Variants in HDAC9 observed in about 807,000 individuals in gnomAD.
HDAC9 encodes histone deacetylase 9.
HDAC9 carries 41 observed loss-of-function variants against 139.4 expected under a neutral mutation model. The observed-to-expected ratio is 0.29, with a 90% CI of 0.23 to 0.38. The LOEUF (loss-of-function observed/expected upper bound fraction) is 0.38. HDAC9 is among the 10% of genes least tolerant of loss of function. The pLI is 1.00. For synonymous variants in HDAC9, 517 were observed against 476.2 expected, an observed-to-expected ratio of 1.09 and a Z score of -1.12; for missense variants, 1,147 against 1,297.0, an observed-to-expected ratio of 0.88 and a Z score of 1.78.
At chr7:18,995,931 G>A in intron 25 of HDAC9, 92 bp from the exon 26 acceptor site, 1 of 871,242 alleles carries the variant, frequency 1.1e-6, no homozygotes, top group Non-Finnish European at 1.8e-6. Context: ...ACATCAGAGA[G>A]AGCTGAAAAA....
chr7:18,902,264 G>A (rs1801794307), intron 22 of HDAC9, among the ~76,000 whole-genome samples: 1 of 152,172 alleles, frequency 6.6e-6, no homozygotes, highest in Admixed American at 6.5e-5. Context: ...TCAAATCCTA[G>A]TGAAGGTTCT....
chr7:18,268,464 A>C (rs1418366602), intron 2 of HDAC9, among the ~76,000 whole-genome samples: 3 of 150,866 alleles, frequency 2.0e-5, no homozygotes, highest in Non-Finnish European at 4.4e-5. Flanking sequence ...AAGAGTTTTC[A>C]AGTGCCAGAG....
At chr7:18,786,588 T>G (rs142243312) in intron 16 of HDAC9, among the ~76,000 whole-genome samples, 12,575 of 81,752 alleles carry the variant, frequency 0.15, 1,322 homozygotes, top group African/African-American at 0.25. Context: ...CTGGCTGGCT[T>G]CCTTCCTTCC....
chr7:18,798,817 G>T (rs1793031809), intron 17 of HDAC9, among the ~76,000 whole-genome samples: 1 of 152,106 alleles, frequency 6.6e-6, no homozygotes, highest in Non-Finnish European at 1.5e-5. Context: ...CCTGAGGAAT[G>T]TGCATAAGGA....
intron 2 of HDAC9, among the ~76,000 whole-genome samples, chr7:18,210,060 G>C (rs546977562): frequency 1.8e-4 from 27 of 151,920 alleles, no homozygotes; most frequent in African/African-American, 6.5e-4. Flanking sequence ...GACTGCTAAG[G>C]ATAACTACAA....
At chr7:18,836,694 A>G (rs938090521) in intron 21 of HDAC9, among the ~76,000 whole-genome samples, 1 of 152,158 alleles carries the variant, frequency 6.6e-6, no homozygotes, top group Non-Finnish European at 1.5e-5. Context: ...TTTAAAAATG[A>G]GCATTTCTTC....
intron 1 of HDAC9, among the ~76,000 whole-genome samples, chr7:18,301,638 A>G (rs1798547374): frequency 6.6e-6 from 1 of 152,240 alleles, no homozygotes; most frequent in African/African-American, 2.4e-5. Flanking sequence ...ATAAAAATGT[A>G]CAATAAGCAT....
intron 8 of HDAC9, among the ~76,000 whole-genome samples, chr7:18,635,471 A>G (rs1783602124): frequency 6.6e-6 from 1 of 152,052 alleles, no homozygotes; most frequent in Non-Finnish European, 1.5e-5. Flanking sequence ...AGTGTAACCA[A>G]TGATACAAGA....
chr7:18,149,378 C>T (rs1786584244), intron 1 of HDAC9, among the ~76,000 whole-genome samples: 1 of 140,434 alleles, frequency 7.1e-6, no homozygotes, highest in Admixed American at 7.2e-5. Flanking sequence ...TGTTTAGAGT[C>T]AGGGTCTCAC....
intron 24 of HDAC9, among the ~76,000 whole-genome samples, chr7:18,954,754 T>A (rs1783030599): frequency 6.6e-6 from 1 of 151,976 alleles, no homozygotes; most frequent in South Asian, 2.1e-4. Flanking sequence ...TGCACACACA[T>A]GCTGAAATCA....
intron 1 of HDAC9, among the ~76,000 whole-genome samples, chr7:18,424,952 T>C (rs553929030): frequency 6.6e-6 from 1 of 152,280 alleles, no homozygotes; most frequent in South Asian, 2.1e-4. Flanking sequence ...TGTTTTATGA[T>C]TTCCTAGTTC....
At chr7:18,980,025 G>A (rs1784797270) in intron 25 of HDAC9, among the ~76,000 whole-genome samples, 1 of 152,156 alleles carries the variant, frequency 6.6e-6, no homozygotes, top group African/African-American at 2.4e-5. Context: ...TTCATCCAGT[G>A]TCAACAAAGC....
At chr7:18,984,216 T>A (rs1354449323) in intron 25 of HDAC9, among the ~76,000 whole-genome samples, 1 of 152,022 alleles carries the variant, frequency 6.6e-6, no homozygotes, top group Non-Finnish European at 1.5e-5. Context: ...GTATATTACC[T>A]GACACAAATT....
At chr7:18,530,116 C>T (rs545595722) in intron 2 of HDAC9, among the ~76,000 whole-genome samples, 24 of 151,278 alleles carry the variant, frequency 1.6e-4, no homozygotes, top group African/African-American at 4.1e-4. Context: ...CCAGTCTCTA[C>T]GTAAATAGAA....
chr7:18,314,133 C>T (rs1462386234), intron 1 of HDAC9, among the ~76,000 whole-genome samples: 3 of 152,216 alleles, frequency 2.0e-5, no homozygotes, highest in African/African-American at 7.2e-5. Context: ...TTGGACAGTT[C>T]CCTGGTGACA....
chr7:18,886,402 A>G (rs891795493), intron 22 of HDAC9, among the ~76,000 whole-genome samples: 2 of 152,228 alleles, frequency 1.3e-5, no homozygotes, highest in African/African-American at 2.4e-5. Context: ...AGTTTGCCCC[A>G]GAGGAAGATG....
intron 2 of HDAC9, among the ~76,000 whole-genome samples, chr7:18,202,884 G>T (rs1318934756): frequency 6.6e-6 from 1 of 152,158 alleles, no homozygotes; most frequent in African/African-American, 2.4e-5. Context: ...TTGAAACTCA[G>T]CTCTTCATTC....
In HDAC9 at chr7:18,127,207, G is replaced by A. The variant is rs1204741824; in HGVS notation, c.-96-35022G>A. On this transcript the variant is annotated intron_variant, in intron 1 of 12. Coordinates refer to the HDAC9 transcript ENST00000417496. ...AAATATAGGACACCTAGTAATATTT[G>A]AATTTTATATTATCAACAAATACTT... 1.2e-5 allele frequency: 2 copies of A among 168,556 alleles called. 1 individual carries two copies. Among genetic ancestry groups the A allele is most frequent in the African/African-American group, 4.8e-5 (2 of 41,414 alleles). 10.4% of individuals were successfully genotyped at this position (168,556 alleles called of 1,614,324 possible). A position where few individuals can be genotyped will look rare whatever the true frequency, so the allele number is the denominator to read the frequency against.
intron 16 of HDAC9, among the ~76,000 whole-genome samples, chr7:18,782,481 T>G (rs908950149): frequency 2.0e-4 from 31 of 152,070 alleles, no homozygotes; most frequent in African/African-American, 7.5e-4. Flanking sequence ...GCATTAGCTT[T>G]GTTTCAGATT....
Sources: gnomAD v4.1 joint callset for allele counts (sites outside exome capture counted in the v4.1 genomes callset) on GRCh38, gnomAD v4.1.1 for gene constraint, MANE v1.5 for transcripts, NCBI Gene and HGNC (gene_info 2026-07-23, HGNC 2026-07-21) for gene names.